ATP8A2: variants seen among roughly 807,000 people sequenced by gnomAD.
The protein encoded by ATP8A2 is ATPase phospholipid transporting 8A2, also known as phospholipid-transporting ATPase IB.
Under a neutral mutation model 165.6 loss-of-function variants are expected in ATP8A2, and 100 were observed. The observed-to-expected ratio is 0.60, with a 90% confidence interval of 0.51 to 0.71. The LOEUF (loss-of-function observed/expected upper bound fraction) is 0.71. Ranked by LOEUF, ATP8A2 falls within the 30% of genes least tolerant of loss-of-function variation. The pLI is 0.00. For missense variants in ATP8A2, 1,227 were observed against 1,479.5 expected, an observed-to-expected ratio of 0.83 and a Z score of 2.80; for synonymous variants, 543 against 548.8, an observed-to-expected ratio of 0.99 and a Z score of 0.15.
At chr13:26,016,111 A>G (rs1956966208) in intron 36 of ATP8A2, among the ~76,000 whole-genome samples, 1 of 151,374 alleles carries the variant, frequency 6.6e-6, no homozygotes, top group African/African-American at 2.4e-5. Context: ...ACATGGGAGG[A>G]CTCCCTCTCC....
At chr13:25,505,206 G>GT (rs1555284679) in intron 2 of ATP8A2, among the ~76,000 whole-genome samples, 2 of 141,740 alleles carry the variant, frequency 1.4e-5, no homozygotes, top group Admixed American at 7.3e-5. Context: ...GCGGGGCGGG[G>GT]GGGGGTGGTG....
chr13:25,860,265 A>G lies in ATP8A2; in HGVS notation c.3018+9A>G. Reference sequence around the variant, plus strand: ...GAAATATTGTTTACACAGTAAGTTTATCTCTGTTTATTAAGCCATTCTTAA... The same window carrying G: ...GAAATATTGTTTACACAGTAAGTTTGTCTCTGTTTATTAAGCCATTCTTAA... On this transcript the variant is annotated intron_variant, in intron 31 of 36. Transcript: ENST00000381655. 1 of 1,595,092 alleles carries G rather than the reference A, an allele frequency of 6.3e-7. No individual in the cohort carries two copies. Among genetic ancestry groups the G allele is most frequent in the Non-Finnish European group, 8.6e-7 (1 of 1,163,726 alleles).
At chr13:25,935,893 A>G (rs904914739) in intron 33 of ATP8A2, among the ~76,000 whole-genome samples, 1 of 152,244 alleles carries the variant, frequency 6.6e-6, no homozygotes, top group African/African-American at 2.4e-5. Context: ...TTTTCATGAT[A>G]GATATTAGGC....
intron 24 of ATP8A2, among the ~76,000 whole-genome samples, chr13:25,696,420 A>G (rs969331469): frequency 2.6e-5 from 4 of 152,194 alleles, no homozygotes; most frequent in Admixed American, 2.6e-4. Context: ...AAAATCCTAG[A>G]TGGCATCTTC....
intron 1 of ATP8A2, among the ~76,000 whole-genome samples, chr13:25,461,855 G>A (rs4365148): frequency 0.42 from 42,012 of 99,244 alleles, 6,090 homozygotes; most frequent in East Asian, 0.61. Context: ...GAAGAAGAAG[G>A]AGGAGGAGGA....
intron 1 of ATP8A2, among the ~76,000 whole-genome samples, chr13:25,418,023 C>T (rs535475416): frequency 2.0e-5 from 3 of 152,296 alleles, no homozygotes; most frequent in East Asian, 3.9e-4. Flanking sequence ...TTACACTTCT[C>T]ATACCCATAT....
At chr13:25,715,321 T>A (rs1463364989) in intron 25 of ATP8A2, among the ~76,000 whole-genome samples, 1 of 152,224 alleles carries the variant, frequency 6.6e-6, no homozygotes, top group South Asian at 2.1e-4. Flanking sequence ...AGATTTGTAT[T>A]TTTAAAATAA....
rs2032803563 is a variant in ATP8A2 at position 25,380,659 on chromosome 13, A to G, written c.76+8371A>G. Among the ~76,000 whole-genome samples, 3 of 152,192 alleles carry G rather than the reference A, an allele frequency of 2.0e-5. No individual in the cohort carries two copies. The South Asian group carries it at 6.2e-4, about 31-fold the overall frequency. ...GTTTAAAATTGTATATGTGGTCTGCATTATATTTCTATTGGTGAACAAATT... is the reference window on the plus strand; with the variant it reads ...GTTTAAAATTGTATATGTGGTCTGCGTTATATTTCTATTGGTGAACAAATT... On this transcript the variant is annotated intron_variant, in intron 1 of 36. Coordinates refer to ENST00000381655, the MANE Select transcript of ATP8A2 (RefSeq NM_016529.6).
At chr13:25,563,434 T>G (rs1019742060) in intron 15 of ATP8A2, among the ~76,000 whole-genome samples, 12 of 151,150 alleles carry the variant, frequency 7.9e-5, no homozygotes, top group Non-Finnish European at 1.5e-5. Context: ...CAGGAGGGAG[T>G]GGAGATAAAT....
At chr13:25,955,991 A>T (rs1955510000) in intron 33 of ATP8A2, among the ~76,000 whole-genome samples, 1 of 152,236 alleles carries the variant, frequency 6.6e-6, no homozygotes, top group Non-Finnish European at 1.5e-5. Context: ...AATGAACATA[A>T]TCCATCACAT....
At chr13:25,385,700 T>C (rs1000867801) in intron 1 of ATP8A2, among the ~76,000 whole-genome samples, 5 of 152,176 alleles carry the variant, frequency 3.3e-5, no homozygotes, top group African/African-American at 1.2e-4. Flanking sequence ...TAAGTTTTTT[T>C]GTTTTTATTT....
intron 24 of ATP8A2, among the ~76,000 whole-genome samples, chr13:25,683,461 T>C (rs1566043942): frequency 6.6e-6 from 1 of 152,196 alleles, no homozygotes; most frequent in African/African-American, 2.4e-5. Context: ...TCTGTGGGTT[T>C]CAGTCTACAC....
At chr13:25,465,663 T>TTTTCTTCCTTCCTTCC in intron 1 of ATP8A2, among the ~76,000 whole-genome samples, 1 of 86,452 alleles carries the variant, frequency 1.2e-5, no homozygotes, top group Middle Eastern at 6.3e-3. Flanking sequence ...TCTTGCAGAG[T>TTTTCTTCCTTCCTTCC]TTTCTTTCTT....
intron 2 of ATP8A2, among the ~76,000 whole-genome samples, chr13:25,495,736 G>C (rs902710868): frequency 2.7e-5 from 4 of 150,894 alleles, no homozygotes; most frequent in African/African-American, 9.8e-5. Flanking sequence ...GAAAGTGCTG[G>C]GATTACAGAC....
intron 36 of ATP8A2, among the ~76,000 whole-genome samples, chr13:26,017,356 CA>C (rs1354334603): frequency 6.6e-6 from 1 of 152,328 alleles, no homozygotes; most frequent in East Asian, 1.9e-4. Flanking sequence ...CCAAGTTGAC[CA>C]CAGTACATAG....
chr13:25,457,262 A>G (rs182520406), intron 1 of ATP8A2, among the ~76,000 whole-genome samples: 5 of 152,318 alleles, frequency 3.3e-5, no homozygotes, highest in Non-Finnish European at 7.3e-5. Context: ...TATTTTTAAC[A>G]ACCCCACAAA....
intron 35 of ATP8A2, among the ~76,000 whole-genome samples, chr13:25,994,592 G>A (rs1451553810): frequency 6.6e-6 from 1 of 152,084 alleles, no homozygotes; most frequent in East Asian, 1.9e-4. Context: ...TTTAACTCAT[G>A]AATGGGTGTT....
At chr13:25,652,600 T>C (rs1197445804) in intron 24 of ATP8A2, among the ~76,000 whole-genome samples, 1 of 152,260 alleles carries the variant, frequency 6.6e-6, no homozygotes, top group Non-Finnish European at 1.5e-5. Flanking sequence ...CTTTTCCATG[T>C]CATTTCCACT....
chr13:25,892,049 C>A (rs916743439), intron 33 of ATP8A2, among the ~76,000 whole-genome samples: 3 of 150,822 alleles, frequency 2.0e-5, no homozygotes, highest in African/African-American at 4.9e-5. Context: ...TGCAGGGGCG[C>A]GATCTTGGCT....
Sources: allele counts gnomAD v4.1 joint callset (sites outside exome capture counted in the v4.1 genomes callset), GRCh38; gene constraint gnomAD v4.1.1; transcripts MANE v1.5; gene names NCBI Gene and HGNC (gene_info 2026-07-23, HGNC 2026-07-21).